The following FANCA variants were observed in gnomAD, a reference collection of about 807,000 sequenced individuals.
FANCA encodes the protein FA complementation group A.
Under a neutral mutation model 194.3 loss-of-function variants are expected in FANCA, and 236 were observed. That is an observed-to-expected ratio of 1.21 (90% CI 1.09 to 1.35). FANCA has a LOEUF of 1.35. Among genes scored for constraint, FANCA ranks in the 40% most tolerant of loss-of-function variants. The probability of loss-of-function intolerance (pLI) is 0.00; values close to 1 mark genes in which losing one functional copy is unlikely to be tolerated. For synonymous variants in FANCA, 1,014 were observed against 715.8 expected, an observed-to-expected ratio of 1.42 and a Z score of -6.65; for missense variants, 2,628 against 1,813.9, an observed-to-expected ratio of 1.45 and a Z score of -8.15.
chr16:89,815,322 CCACCA>C (rs1359757450), intron 2 of FANCA, among the ~76,000 whole-genome samples: 3 of 144,546 alleles, frequency 2.1e-5, no homozygotes, highest in Admixed American at 6.9e-5. Context: ...CAGGCGTGAG[CCACCA>C]CGCCCGGCTT....
At chr16:89,785,874 A>C (rs1365114972) in intron 14 of FANCA, among the ~76,000 whole-genome samples, 1 of 48,920 alleles carries the variant, frequency 2.0e-5, no homozygotes, top group African/African-American at 1.9e-4. Flanking sequence ...TTTTTTTTGG[A>C]GACAGAGTCT....
intron 10 of FANCA, chr16:89,798,775 C>G: frequency 7.1e-7 from 1 of 1,406,100 alleles, no homozygotes; most frequent in Non-Finnish European, 9.3e-7. Flanking sequence ...AGAGGCACAG[C>G]TACAGTGTGT....
intron 10 of FANCA, among the ~76,000 whole-genome samples, chr16:89,796,838 T>C (rs192696569): frequency 1.3e-5 from 2 of 151,400 alleles, no homozygotes; most frequent in East Asian, 2.0e-4. Flanking sequence ...CTGGCTAACA[T>C]GGTGAAACCC....
chr16:89,816,626 C>T lies in FANCA; in HGVS notation c.-11G>A, dbSNP rs1242086245. On this transcript the variant is annotated 5_prime_UTR_variant, in exon 1 of 43. Transcript: ENST00000389301. ...CCACGAGTCGGACATGGCCTTGGCG[C>T]CTACAGCCCCGGCGGCGGCTCCCTG... 17 of 1,519,828 alleles carry T rather than the reference C, an allele frequency of 1.1e-5. No homozygotes were observed. Among genetic ancestry groups the T allele is most frequent in the Non-Finnish European group, 1.5e-5 (17 of 1,141,448 alleles). 94.1% of individuals were successfully genotyped at this position (1,519,828 alleles called of 1,614,324 possible).
Position 89,738,440 on chromosome 16 carries a change from A to G in FANCA, c.*161T>C, listed in dbSNP as rs923490846. 3.4e-5 allele frequency: 47 copies of G among 1,384,798 alleles called. No homozygotes were observed. Among genetic ancestry groups the G allele is most frequent in the Non-Finnish European group, 4.5e-5 (46 of 1,012,974 alleles). 85.8% of individuals were successfully genotyped at this position (1,384,798 alleles called of 1,614,324 possible). ...GTGGTTTATTTTCCCGCAAACGCTG[A>G]GTGACTCGGGGCCGGACAGTTCATA... On this transcript the variant is annotated 3_prime_UTR_variant, in exon 43 of 43. Coordinates refer to ENST00000389301, the MANE Select transcript of FANCA (RefSeq NM_000135.4).
In FANCA at chr16:89,767,245, C is replaced by G. The variant is rs2143308956; in HGVS notation, c.2505-8G>C. ...ATTGCTGCTGTACAAAATCTGAAAA[C>G]AGAAATTATAACATATAAATGTAAT... On this transcript the variant is annotated splice_region_variant and splice_polypyrimidine_tract_variant and intron_variant, in intron 26 of 42. Transcript: ENST00000389301. 1 of 1,585,940 alleles carries G rather than the reference C, an allele frequency of 6.3e-7. No homozygotes were observed. The highest frequency in any genetic ancestry group is 8.7e-7 in the Non-Finnish European group (1 of 1,154,924).
chr16:89,743,983 C>T (rs1411123656), intron 36 of FANCA, among the ~76,000 whole-genome samples: 1 of 152,040 alleles, frequency 6.6e-6, no homozygotes, highest in African/African-American at 2.4e-5. Flanking sequence ...CTGCAACCTC[C>T]ACCTCCTGGG....
At chr16:89,748,988 C>A (rs1439337820) in intron 32 of FANCA, among the ~76,000 whole-genome samples, 1 of 151,084 alleles carries the variant, frequency 6.6e-6, no homozygotes, top group Non-Finnish European at 1.5e-5. Context: ...TGTTACCAAA[C>A]AAACAACTTT....
At chr16:89,760,574 C>T (rs899836954) in intron 29 of FANCA, among the ~76,000 whole-genome samples, 30 of 152,186 alleles carry the variant, frequency 2.0e-4, no homozygotes, top group Non-Finnish European at 3.8e-4. Context: ...CCCTGACCTC[C>T]ACCCTAAACT....
intron 20 of FANCA, among the ~76,000 whole-genome samples, chr16:89,776,311 G>T (rs567544117): frequency 2.3e-4 from 35 of 151,184 alleles, no homozygotes; most frequent in African/African-American, 8.2e-4. Flanking sequence ...GGGATTACAG[G>T]CGCCTGCCAC....
intron 42 of FANCA, 59 bp downstream of exon 42, chr16:89,738,823 C>T (rs773238151): frequency 3.1e-6 from 5 of 1,614,076 alleles, no homozygotes; most frequent in Non-Finnish European, 4.2e-6. Flanking sequence ...GCACATGGCC[C>T]AGGCAGCTGT....
chr16:89,793,564 G>C (rs907782292), intron 11 of FANCA, among the ~76,000 whole-genome samples: 1 of 151,976 alleles, frequency 6.6e-6, no homozygotes, highest in Non-Finnish European at 1.5e-5. Flanking sequence ...CGTGTCCTCG[G>C]TCTCTTGCCT....
At chr16:89,783,184 T>A in intron 15 of FANCA, 82 bp from the exon 16 acceptor site, 1 of 965,404 alleles carries the variant, frequency 1.0e-6, no homozygotes, top group Non-Finnish European at 1.7e-6. Context: ...ACTTCCAACA[T>A]CCACAGTGCT....
In FANCA at chr16:89,810,916, G is replaced by A. The variant is rs755598667; in HGVS notation, c.426+13C>T. 3.5e-5 allele frequency: 56 copies of A among 1,614,004 alleles called. No individual in the cohort carries two copies. In the Admixed American group the frequency reaches 9.0e-4, roughly 26 times the overall value. On this transcript the variant is annotated intron_variant, in intron 4 of 42. Transcript: ENST00000389301. ...ACAACGGGCAGGTTTCCTCATCTTT[G>A]CTGGTGTCTTACTCTCTGCTCCACA...
At position 89,742,949 on chromosome 16, in the gene FANCA, G is replaced by C. The variant is rs1403472727; in HGVS notation, c.3627-11C>G. ...TCAGGGGAGAGGAAACTGGGACAGAGAGAACGGGGTCATTGCAGGGCCTTA... is the reference window on the plus strand; with the variant it reads ...TCAGGGGAGAGGAAACTGGGACAGACAGAACGGGGTCATTGCAGGGCCTTA... On this transcript the variant is annotated splice_polypyrimidine_tract_variant and intron_variant, in intron 36 of 42. Transcript: ENST00000389301. The C allele has an allele frequency of 3.1e-6, 5 of 1,613,424 alleles. No individual in the cohort carries two copies. In the South Asian group the frequency reaches 3.3e-5, roughly 11 times the overall value.
chr16:89,771,973 C>T (rs983170135), intron 22 of FANCA, among the ~76,000 whole-genome samples, 159 bp from the exon 23 acceptor site: 18 of 152,236 alleles, frequency 1.2e-4, no homozygotes, highest in East Asian at 1.9e-4. Context: ...TTGTTCGCCC[C>T]GCAGGATTTG....
chr16:89,788,446 C>T (rs2039965619), intron 14 of FANCA, among the ~76,000 whole-genome samples: 1 of 151,910 alleles, frequency 6.6e-6, no homozygotes, highest in East Asian at 1.9e-4. Context: ...AAAAACAAAA[C>T]AAAACATAAC....
At chr16:89,779,194 T>G (rs1261323497) in intron 18 of FANCA, among the ~76,000 whole-genome samples, 191 bp from the exon 19 acceptor site, 1 of 152,022 alleles carries the variant, frequency 6.6e-6, no homozygotes, top group African/African-American at 2.4e-5. Context: ...CAGCCCTGAG[T>G]CCGTGGGAAT....
At position 89,795,390 on chromosome 16, in the gene FANCA, ACTCTGGGAAG is replaced by A. The variant is rs1290414520; in HGVS notation, c.1006+506_1006+515del. 7.9e-5 allele frequency among the ~76,000 whole-genome samples: 12 copies of A among 151,762 alleles called. No individual in the cohort carries two copies. In the East Asian group the frequency reaches 1.9e-3, roughly 25 times the overall value. On this transcript the variant is annotated intron_variant, in intron 11 of 42. Transcript: ENST00000389301. ...ACACCTGTAATCCCAACACTTCGAC[ACTCTGGGAAG>A]CCAAGGCAGGTGGAGCACCGAAGGT...
Sources: allele counts gnomAD v4.1 joint callset (sites outside exome capture counted in the v4.1 genomes callset), GRCh38; gene constraint gnomAD v4.1.1; transcripts MANE v1.5; gene names NCBI Gene and HGNC (gene_info 2026-07-23, HGNC 2026-07-21).